KANSL3: variants seen among roughly 807,000 people sequenced by gnomAD.
The protein encoded by KANSL3 is KAT8 regulatory NSL complex subunit 3.
Under a neutral mutation model 89.2 loss-of-function variants are expected in KANSL3, and 16 were observed. The ratio of observed to expected loss-of-function variants is 0.18; its 90% CI spans 0.12 to 0.27. The LOEUF is 0.27. KANSL3 is among the 10% of genes least tolerant of loss of function. The pLI is 1.00. For synonymous variants in KANSL3, 385 were observed against 419.7 expected, an observed-to-expected ratio of 0.92 and a Z score of 1.01; for missense variants, 879 against 1,110.6, an observed-to-expected ratio of 0.79 and a Z score of 2.96.
At chr2:96,591,528 G>A (rs2066274815), downstream of KANSL3, among the ~76,000 whole-genome samples, 2 of 152,150 alleles carry the variant, frequency 1.3e-5, no homozygotes, top group Non-Finnish European at 2.9e-5. Context: ...TTGGTGAAGG[G>A]TGTTATACTA....
chr2:96,621,125 C>G (rs904257216), intron 3 of KANSL3, among the ~76,000 whole-genome samples: 1 of 152,100 alleles, frequency 6.6e-6, no homozygotes, highest in African/African-American at 2.4e-5. Context: ...GCTGAGACAA[C>G]CACAACTGGA....
intron 7 of KANSL3, 90 bp downstream of exon 7, chr2:96,612,728 C>A: frequency 1.7e-6 from 2 of 1,160,838 alleles, no homozygotes; most frequent in South Asian, 1.3e-5. Flanking sequence ...TCAAGTTACC[C>A]ATTTTGACCT....
the KANSL3 span, among the ~76,000 whole-genome samples, chr2:96,584,165 T>C: frequency 6.6e-6 from 1 of 152,212 alleles, no homozygotes; most frequent in Non-Finnish European, 1.5e-5. Flanking sequence ...TATTCTTTTT[T>C]CACTTTTATT....
intron 2 of KANSL3, among the ~76,000 whole-genome samples, chr2:96,632,916 A>C (rs1323560304): frequency 6.8e-6 from 1 of 147,974 alleles, no homozygotes; most frequent in African/African-American, 2.5e-5. Flanking sequence ...CAGTGAGCCG[A>C]GATTGCGCCA....
rs369399191 is a variant in KANSL3 at position 96,614,696 on chromosome 2, G to A, written c.664-1077C>T. Among the ~76,000 whole-genome samples the A allele has an allele frequency of 3.8e-4, 58 of 151,630 alleles. No individual in the cohort carries two copies. The East Asian group carries it at 6.2e-3, about 16-fold the overall frequency. ...TGAGGTCCGAGAATCACCTGAACCC[G>A]GGAGGTGGAGGTTGTGGTGAGCCAA... On this transcript the variant is annotated intron_variant, in intron 5 of 20. Transcript: ENST00000431828.
intron 19 of KANSL3, 52 bp downstream of exon 19, chr2:96,602,064 G>A: frequency 1.3e-6 from 2 of 1,498,774 alleles, no homozygotes; most frequent in South Asian, 1.2e-5. Context: ...GGAAGGTCCT[G>A]GGGGAAAGAT....
In KANSL3 at chr2:96,612,214, T is replaced by C. The variant is rs1441095716; in HGVS notation, c.1086+68A>G. 3 of 1,089,128 alleles carry C rather than the reference T, an allele frequency of 2.8e-6. No homozygotes were observed. In the African/African-American group the frequency reaches 4.6e-5, roughly 17 times the overall value. 67.5% of individuals were successfully genotyped at this position (1,089,128 alleles called of 1,614,324 possible). ...CAGAGCCTGACACACAGTAAAGGAC[T>C]CAATGGTAGCTATGATTAGTGGTAT... On this transcript the variant is annotated intron_variant, in intron 9 of 20. Transcript: ENST00000431828.
intron 20 of KANSL3, among the ~76,000 whole-genome samples, chr2:96,598,565 C>T (rs569771195): frequency 2.5e-4 from 38 of 152,282 alleles, no homozygotes; most frequent in African/African-American, 8.9e-4. Flanking sequence ...AGAATTCACA[C>T]AGTTTGATAT....
At chr2:96,590,963 G>A (rs1398517907), downstream of KANSL3, among the ~76,000 whole-genome samples, 1 of 152,082 alleles carries the variant, frequency 6.6e-6, no homozygotes, top group Non-Finnish European at 1.5e-5. Flanking sequence ...TCCAGCCTAG[G>A]CGACACAGCA....
chr2:96,584,929 CT>C, the KANSL3 span, among the ~76,000 whole-genome samples: 1 of 152,144 alleles, frequency 6.6e-6, no homozygotes, highest in Non-Finnish European at 1.5e-5. Context: ...ATGTTCTGTC[CT>C]CCACTATGTT....
At chr2:96,590,863 G>A (rs1051665548), downstream of KANSL3, among the ~76,000 whole-genome samples, 7 of 152,128 alleles carry the variant, frequency 4.6e-5, no homozygotes, top group African/African-American at 1.4e-4. Flanking sequence ...GTGTGTGCCT[G>A]TAATCCCAGC....
Position 96,602,756 on chromosome 2 carries a change from T to G in KANSL3, c.2256A>C (p.Pro752=). The part of the protein sequence containing the change: ...LPANPSPGPA[P]QATSVKLPTP... ...CCAGCAGATGGCAGATGTGCACCTG[T>G]GGGGCTGGTCCTGGGGAGGGATTTG... Residue 752 remains proline, a synonymous_variant, in exon 18 of 21, where the codon CCA becomes CCC. Transcript: ENST00000431828. The G allele has an allele frequency of 6.3e-7, 1 of 1,593,126 alleles. No homozygotes were observed. The highest frequency in any genetic ancestry group is 8.5e-7 in the Non-Finnish European group (1 of 1,170,094).
At chr2:96,630,961 AT>A (rs970721311) in intron 3 of KANSL3, among the ~76,000 whole-genome samples, 89 of 152,320 alleles carry the variant, frequency 5.8e-4, no homozygotes, top group African/African-American at 2.0e-3. Context: ...TGTACATTTC[AT>A]TTTTTTGCAG....
chr2:96,610,481 A>T (rs2068734275), intron 11 of KANSL3: 1 of 299,356 alleles, frequency 3.3e-6, no homozygotes, highest in South Asian at 4.9e-5. Context: ...AGGCCTGGCT[A>T]ATTTTTTGTA....
intron 17 of KANSL3, chr2:96,603,999 AG>A (rs2067582017): frequency 2.7e-6 from 1 of 376,934 alleles, no homozygotes; most frequent in African/African-American, 2.1e-5. Flanking sequence ...CTTACAGTAG[AG>A]GATACAGCAC....
chr2:96,595,700 T>A (rs981199675), intron 20 of KANSL3, 69 bp from the exon 21 acceptor site: 6 of 1,489,014 alleles, frequency 4.0e-6, no homozygotes, highest in East Asian at 2.3e-5. Context: ...AGACCCTCTA[T>A]CCCAATTATC....
chr2:96,623,405 C>A (rs1366446569), intron 3 of KANSL3, among the ~76,000 whole-genome samples: 1 of 152,180 alleles, frequency 6.6e-6, no homozygotes, highest in Non-Finnish European at 1.5e-5. Flanking sequence ...TATCCCACCC[C>A]ACAAGATACT....
In KANSL3 at chr2:96,608,883, G is replaced by T; in HGVS notation, c.1565C>A (p.Ala522Asp). 1 of 1,580,056 alleles carries T rather than the reference G, an allele frequency of 6.3e-7. No individual in the cohort carries two copies. ...RPASPAAKLPASPSGSEDLSS... is the reference protein window; with the variant it reads ...RPASPAAKLPDSPSGSEDLSS... Reference sequence around the variant, plus strand: ...CACTACCTCTGAGCCTGAGGGTGAGGCGGGCAGCTTGGCAGCTGGGGAGGC... The same window carrying T: ...CACTACCTCTGAGCCTGAGGGTGAGTCGGGCAGCTTGGCAGCTGGGGAGGC... The change falls in exon 13 of 21, where the codon GCC becomes GAC. Residue 522 changes from alanine (A) to aspartate (D), a missense_variant. Physicochemically the swap from Ala to Asp is moderately radical, Grantham distance 126. Around this residue, in one of 6 missense-constraint regions of KANSL3, gnomAD observed 317 missense variants for 311.2 expected, o/e 1.02. Transcript: ENST00000431828.
chr2:96,632,084 G>A lies in KANSL3; in HGVS notation c.216-602C>T, dbSNP rs2073485848. Among the ~76,000 whole-genome samples the A allele has an allele frequency of 2.0e-5, 3 of 152,050 alleles. No homozygotes were observed. The South Asian group carries it at 6.2e-4, about 32-fold the overall frequency. Reference sequence around the variant, plus strand: ...TAAATGACAAATACAGCCAGACACAGTGATTCACACCTGTAATCCCAGCAC... The same window carrying A: ...TAAATGACAAATACAGCCAGACACAATGATTCACACCTGTAATCCCAGCAC... On this transcript the variant is annotated intron_variant, in intron 2 of 20. Transcript: ENST00000431828.
Sources: gnomAD v4.1 joint callset for allele counts (sites outside exome capture counted in the v4.1 genomes callset) on GRCh38, gnomAD v4.1.1 for gene constraint, gnomAD v4.1.1 regional missense constraint, MANE v1.5 for transcripts, NCBI Gene and HGNC (gene_info 2026-07-23, HGNC 2026-07-21) for gene names.